TLK2: variants seen among roughly 807,000 people sequenced by gnomAD.
The protein encoded by TLK2 is tousled like kinase 2.
Under a neutral mutation model 117.3 loss-of-function variants are expected in TLK2, and 6 were observed. The observed-to-expected ratio is 0.05, with a 90% CI of 0.03 to 0.10. The LOEUF is 0.10. TLK2 is among the 10% of genes least tolerant of loss of function. TLK2 has a pLI of 1.00. For missense variants in TLK2, 299 were observed against 901.2 expected (o/e 0.33, Z 8.56); for synonymous variants, 257 against 316.7 (o/e 0.81, Z 2.00).
intron 2 of TLK2, among the ~76,000 whole-genome samples, chr17:62,498,497 C>A (rs1485521831): frequency 2.7e-5 from 4 of 150,916 alleles, no homozygotes; most frequent in Non-Finnish European, 5.9e-5. Context: ...TCAAGCGATT[C>A]TCCTTTCTCA....
At chr17:62,579,270 G>T (rs1349991865) in intron 14 of TLK2, among the ~76,000 whole-genome samples, 1 of 152,132 alleles carries the variant, frequency 6.6e-6, no homozygotes, top group African/African-American at 2.4e-5. Flanking sequence ...GGTCCTAAGT[G>T]CCCTTAGTGC....
At chr17:62,540,099 C>CTTTT (rs571889873) in intron 7 of TLK2, among the ~76,000 whole-genome samples, 4 of 125,094 alleles carry the variant, frequency 3.2e-5, no homozygotes, top group Non-Finnish European at 5.2e-5. Flanking sequence ...TCTTTCTTTT[C>CTTTT]TTTTTTTTTT....
chr17:62,590,007 C>T (rs2081954696), intron 16 of TLK2, among the ~76,000 whole-genome samples: 1 of 150,442 alleles, frequency 6.6e-6, no homozygotes, highest in Non-Finnish European at 1.5e-5. Context: ...CGGGGTTTCA[C>T]CGTGTTAGCC....
At chr17:62,606,669 G>A (rs941681566) in intron 20 of TLK2, among the ~76,000 whole-genome samples, 1 of 152,078 alleles carries the variant, frequency 6.6e-6, no homozygotes, top group African/African-American at 2.4e-5. Context: ...TAATGAAAGC[G>A]TGCTTTATAT....
chr17:62,592,115 G>A (rs531986214), intron 16 of TLK2, among the ~76,000 whole-genome samples: 32 of 151,824 alleles, frequency 2.1e-4, no homozygotes, highest in African/African-American at 7.0e-4. Flanking sequence ...CCACCACCCC[G>A]GCTAATTTTG....
intron 19 of TLK2, among the ~76,000 whole-genome samples, chr17:62,605,789 G>T (rs1598898731): frequency 6.6e-6 from 1 of 152,006 alleles, no homozygotes. Context: ...AGGATCACTT[G>T]AGTCCAGGAG....
intron 17 of TLK2, among the ~76,000 whole-genome samples, chr17:62,596,965 T>G (rs1446233210): frequency 6.6e-6 from 1 of 152,170 alleles, no homozygotes; most frequent in Non-Finnish European, 1.5e-5. Context: ...CTCCTGTGTC[T>G]AATTTTGATG....
At chr17:62,479,651 G>T (rs2071378585) in intron 1 of TLK2, among the ~76,000 whole-genome samples, 1 of 152,194 alleles carries the variant, frequency 6.6e-6, no homozygotes, top group Non-Finnish European at 1.5e-5. Context: ...AGCCGGCGAG[G>T]GGCGCCGGGA....
chr17:62,516,432 C>T, intron 2 of TLK2: 1 of 1,591,950 alleles, frequency 6.3e-7, no homozygotes, highest in Non-Finnish European at 8.5e-7. Flanking sequence ...GCACAGCACT[C>T]CTCATATACA....
intron 3 of TLK2, among the ~76,000 whole-genome samples, chr17:62,521,453 A>G (rs1193361618): frequency 6.6e-6 from 1 of 152,200 alleles, no homozygotes; most frequent in Non-Finnish European, 1.5e-5. Flanking sequence ...CATGCAGGTC[A>G]GAGTGCAGTG....
At chr17:62,475,795 G>C (rs2071028985), upstream of TLK2, among the ~76,000 whole-genome samples, 2 of 151,278 alleles carry the variant, frequency 1.3e-5, no homozygotes, top group Non-Finnish European at 1.5e-5. Flanking sequence ...GAGTAGCTGG[G>C]ACTACAGGCG....
chr17:62,497,815 C>T (rs924938633), intron 2 of TLK2, among the ~76,000 whole-genome samples: 1 of 152,174 alleles, frequency 6.6e-6, no homozygotes, highest in Admixed American at 6.5e-5. Flanking sequence ...CTACTTCAGC[C>T]TCCTGAGTAG....
intron 2 of TLK2, among the ~76,000 whole-genome samples, chr17:62,483,866 A>G (rs1221987375): frequency 4.7e-5 from 7 of 150,342 alleles, no homozygotes; most frequent in East Asian, 2.0e-4. Flanking sequence ...TGCTCTGTCA[A>G]CCAGGCTGGA....
chr17:62,545,308 G>T (rs1328858193), intron 7 of TLK2, among the ~76,000 whole-genome samples: 3 of 152,118 alleles, frequency 2.0e-5, no homozygotes, highest in African/African-American at 4.8e-5. Context: ...TGTTTTAAAG[G>T]TTTAAGCAAG....
At chr17:62,515,059 A>G (rs899224385) in intron 2 of TLK2, among the ~76,000 whole-genome samples, 7 of 152,222 alleles carry the variant, frequency 4.6e-5, no homozygotes, top group Admixed American at 3.9e-4. Flanking sequence ...GGCAGCTACC[A>G]TTCTACTTTC....
At chr17:62,471,230 C>T (rs939829917) in intron 1 of TLK2, among the ~76,000 whole-genome samples, 200 of 152,234 alleles carry the variant, frequency 1.3e-3, no homozygotes, top group Admixed American at 2.2e-3. Context: ...CAGAAGAGCA[C>T]GGCATGGACT....
At chr17:62,536,450 T>A (rs550600252) in intron 7 of TLK2, 113 bp downstream of exon 7, 23 of 1,150,746 alleles carry the variant, frequency 2.0e-5, no homozygotes, top group Middle Eastern at 3.1e-4. Context: ...TACTTTTTTT[T>A]AAAATGTGAT....
At chr17:62,546,499 G>T (rs1175917404) in intron 7 of TLK2, among the ~76,000 whole-genome samples, 2 of 145,494 alleles carry the variant, frequency 1.4e-5, no homozygotes, top group African/African-American at 2.5e-5. Context: ...CTTTTCTTTT[G>T]TGCTCCATTT....
At chr17:62,536,903 G>T (rs2077152636) in intron 7 of TLK2, among the ~76,000 whole-genome samples, 1 of 152,084 alleles carries the variant, frequency 6.6e-6, no homozygotes. Context: ...CTCTATCTTT[G>T]AAGAACAAGA....
Sources: gnomAD v4.1 joint callset for allele counts (sites outside exome capture counted in the v4.1 genomes callset) on GRCh38, gnomAD v4.1.1 for gene constraint, MANE v1.5 for transcripts, NCBI Gene and HGNC (gene_info 2026-07-23, HGNC 2026-07-21) for gene names.